Variants in NOS1 observed in about 807,000 individuals in gnomAD.
NOS1 encodes the protein NOS type I.
In NOS1, 51 loss-of-function variants were observed where a neutral mutation model predicts 164.5. The ratio of observed to expected loss-of-function variants is 0.31; its 90% CI spans 0.25 to 0.39. The LOEUF (loss-of-function observed/expected upper bound fraction) is 0.39. Ranked by LOEUF, NOS1 falls within the 10% of genes least tolerant of loss-of-function variation. The pLI is 1.00. For synonymous variants in NOS1, 719 were observed against 745.8 expected (o/e 0.96, Z 0.59); for missense variants, 1,362 against 1,885.6 (o/e 0.72, Z 5.14).
At position 117,288,150 on chromosome 12, in the gene NOS1, C is replaced by G. The variant is rs1313443655; in HGVS notation, c.1051G>C (p.Glu351Gln). ...MHPSQHARRPEDVRTKGQLFP... is the reference protein window; with the variant it reads ...MHPSQHARRPQDVRTKGQLFP... ...AGCTGTCCTTTTGTGCGGACGTCTT[C>G]AGGCCTCCTTGCATGCTGAGAAGGA... The change falls in exon 5 of 29, where the codon GAA becomes CAA. Residue 351 changes from glutamate to glutamine, a missense_variant. Coordinates refer to ENST00000317775, the MANE Select transcript of NOS1 (RefSeq NM_000620.5). 1 of 1,614,138 alleles carries G rather than the reference C, an allele frequency of 6.2e-7. No homozygotes were observed. Among genetic ancestry groups the G allele is most frequent in the Non-Finnish European group, 8.5e-7 (1 of 1,180,018 alleles).
chr12:117,318,225 T>C (rs1874756313), intron 2 of NOS1, among the ~76,000 whole-genome samples: 1 of 152,096 alleles, frequency 6.6e-6, no homozygotes, highest in Admixed American at 6.6e-5. Context: ...GTTTGAGTAG[T>C]GGGTCTAGGA....
Position 117,243,188 on chromosome 12 carries a change from G to C in NOS1, c.2962+109C>G. On this transcript the variant is annotated intron_variant, in intron 19 of 28. Transcript: ENST00000317775. This position sits in a 1 kb window ranked among gnomAD's most constrained non-coding sequence, Gnocchi z 4.3. ...TCATTTTGGTAGGACTGCACTAAAG[G>C]GAGATCAAAGCAATGAAGCCCATCT... The C allele has an allele frequency of 1.5e-6, 2 of 1,347,520 alleles. No homozygotes were observed. The highest frequency in any genetic ancestry group is 2.1e-6 in the Non-Finnish European group (2 of 970,340). The allele number at this position is 1,347,520 out of a possible 1,614,324, so 83.5% of individuals were successfully genotyped here.
intron 4 of NOS1, among the ~76,000 whole-genome samples, 178 bp from the exon 5 acceptor site, chr12:117,288,397 A>G (rs970265238): frequency 3.3e-5 from 5 of 152,176 alleles, no homozygotes; most frequent in Admixed American, 6.5e-5. Flanking sequence ...ATGTTAAGGA[A>G]CAATAAGTAG....
rs886491868 is a variant in NOS1 at position 117,330,050 on chromosome 12, T to C, written c.725+295A>G. ...ATTGCAAAAATGCAAGTAAGTTTCC[T>C]GGAGGATTATAGGGGATAAAGATGA... On this transcript the variant is annotated intron_variant, in intron 2 of 28. Coordinates refer to ENST00000317775, the MANE Select transcript of NOS1 (RefSeq NM_000620.5). This position sits in a 1 kb window ranked among gnomAD's most constrained non-coding sequence, Gnocchi z 4.6. 3.3e-5 allele frequency among the ~76,000 whole-genome samples: 5 copies of C among 152,196 alleles called. No individual in the cohort carries two copies. The highest frequency in any genetic ancestry group is 9.7e-5 in the African/African-American group (4 of 41,444).
At chr12:117,264,105 A>G (rs1414950606) in intron 12 of NOS1, 131 bp from the exon 13 acceptor site, 6 of 214,894 alleles carry the variant, frequency 2.8e-5, no homozygotes, top group African/African-American at 6.8e-5. Flanking sequence ...AATTCTGCCC[A>G]GTGGTGACCA....
At chr12:117,216,070 G>A (rs895262084) in intron 28 of NOS1, among the ~76,000 whole-genome samples, 1 of 151,552 alleles carries the variant, frequency 6.6e-6, no homozygotes, top group East Asian at 1.9e-4. Context: ...TAGAGACAGG[G>A]TTTTGCCATG....
At chr12:117,256,170 C>T (rs535121531) in intron 16 of NOS1, 10 of 447,818 alleles carry the variant, frequency 2.2e-5, no homozygotes, top group African/African-American at 1.2e-4. Context: ...TGGAGTTGGG[C>T]GTAGAACGAG....
chr12:117,346,241 C>T (rs867935485), intron 1 of NOS1, among the ~76,000 whole-genome samples: 6 of 152,092 alleles, frequency 3.9e-5, no homozygotes, highest in Admixed American at 2.6e-4. Context: ...GAGGCTGAGG[C>T]GAGCGGATCA....
intron 2 of NOS1, among the ~76,000 whole-genome samples, chr12:117,318,329 C>T (rs1874760334): frequency 6.6e-6 from 1 of 152,182 alleles, no homozygotes; most frequent in Non-Finnish European, 1.5e-5. Context: ...GGCCCAGGCT[C>T]TAGCAGTAGG....
intron 3 of NOS1, among the ~76,000 whole-genome samples, chr12:117,309,595 A>G (rs1398357232): frequency 6.6e-6 from 1 of 152,172 alleles, no homozygotes; most frequent in Admixed American, 6.5e-5. Context: ...TGGGTTTGAA[A>G]TTCACACGAT....
chr12:117,232,938 A>C (rs1869375412), intron 21 of NOS1, among the ~76,000 whole-genome samples: 2 of 151,236 alleles, frequency 1.3e-5, no homozygotes, highest in Non-Finnish European at 2.9e-5. Flanking sequence ...TGCGATCACA[A>C]CTCACTGTAG....
chr12:117,255,113 T>G (rs1452226077), intron 16 of NOS1, among the ~76,000 whole-genome samples: 1 of 151,968 alleles, frequency 6.6e-6, no homozygotes, highest in Admixed American at 6.6e-5. Context: ...AATAATAAAA[T>G]TAAAAAAATA....
rs568053092 is a variant in NOS1, at chr12:117,211,101, C to T, written c.*4208G>A. Reference sequence around the variant, plus strand: ...CCTCCCAGGTAGCTGAGACTACAGGCGCATGCCACCATGCCCAGCTAATTT... The same window carrying T: ...CCTCCCAGGTAGCTGAGACTACAGGTGCATGCCACCATGCCCAGCTAATTT... On this transcript the variant is annotated 3_prime_UTR_variant, in exon 29 of 29. Coordinates refer to ENST00000317775, the MANE Select transcript of NOS1 (RefSeq NM_000620.5). 241 of 553,792 alleles carry T rather than the reference C, an allele frequency of 4.4e-4. No homozygotes were observed. The African/African-American group carries it at 4.6e-3, about 11-fold the overall frequency. The allele number at this position is 553,792 out of a possible 1,614,324, so 34.3% of individuals were successfully genotyped here. A position where few individuals can be genotyped will look rare whatever the true frequency, so the allele number is the denominator to read the frequency against.
chr12:117,343,025 A>G (rs1207436381), intron 1 of NOS1, among the ~76,000 whole-genome samples: 19 of 152,088 alleles, frequency 1.2e-4, no homozygotes, highest in Admixed American at 1.2e-3. Flanking sequence ...TGAGAGAGGG[A>G]AACCTGAACA....
intron 2 of NOS1, among the ~76,000 whole-genome samples, chr12:117,320,894 A>G (rs559001454): frequency 3.3e-5 from 5 of 152,144 alleles, no homozygotes; most frequent in East Asian, 1.9e-4. Context: ...CTTTTCAGAA[A>G]GCCCCTTCCT....
At position 117,265,426 on chromosome 12, in the gene NOS1, C is replaced by T. The variant is rs1326008073; in HGVS notation, c.2026G>A (p.Gly676Ser). The change falls in exon 12 of 29, where the codon GGC becomes AGC. Residue 676 changes from glycine to serine, a missense_variant. Around this residue, in one of 4 missense-constraint regions of NOS1, gnomAD observed 737 missense variants for 1,030.3 expected, o/e 0.72. Transcript: ENST00000317775. ...HMENEYRCRG[G>S]CPADWVWIVP... ...ATCCACACCCAGTCGGCAGGGCAGC[C>T]CCCCCGGCAGCGGTACTCATTCTCC... The T allele has an allele frequency of 1.3e-6, 2 of 1,591,902 alleles. No homozygotes were observed. Among genetic ancestry groups the T allele is most frequent in the Non-Finnish European group, 1.7e-6 (2 of 1,169,746 alleles).
intron 16 of NOS1, among the ~76,000 whole-genome samples, chr12:117,254,170 C>T (rs561668120): frequency 3.9e-5 from 6 of 152,142 alleles, no homozygotes; most frequent in African/African-American, 7.2e-5. Flanking sequence ...TGCAATGGCA[C>T]GGCCTCGTCT....
At chr12:117,353,312 A>G (rs1334487836) in intron 1 of NOS1, among the ~76,000 whole-genome samples, 1 of 152,104 alleles carries the variant, frequency 6.6e-6, no homozygotes, top group Non-Finnish European at 1.5e-5. Flanking sequence ...TCTATCATCT[A>G]TCTACCTACC....
chr12:117,336,420 C>T lies in NOS1; in HGVS notation c.-420-4931G>A, dbSNP rs147544916. ...ATGGACCAGCCATAGCTGGAGCATC[C>T]AGACCTGTGCTGTCCAATATGGCAG... On this transcript the variant is annotated intron_variant, in intron 1 of 28. Coordinates refer to ENST00000317775, the MANE Select transcript of NOS1 (RefSeq NM_000620.5). Among the ~76,000 whole-genome samples, 578 of 152,316 alleles carry T rather than the reference C, an allele frequency of 3.8e-3. 6 individuals carry two copies. The highest frequency in any genetic ancestry group is 0.013 in the African/African-American group (551 of 41,574).
Sources: gnomAD v4.1 joint callset for allele counts (sites outside exome capture counted in the v4.1 genomes callset) on GRCh38, gnomAD v4.1.1 for gene constraint, gnomAD v4.1.1 regional missense constraint, Gnocchi (gnomAD v3.1) non-coding constraint, MANE v1.5 for transcripts, NCBI Gene and HGNC (gene_info 2026-07-23, HGNC 2026-07-21) for gene names.